The following CNTN1 variants were observed in gnomAD, a reference collection of about 807,000 sequenced individuals.
CNTN1 encodes the protein contactin-1.
In CNTN1, 38 loss-of-function variants were observed where a neutral mutation model predicts 126.4. The observed-to-expected ratio is 0.30, with a 90% CI of 0.23 to 0.39. The LOEUF (loss-of-function observed/expected upper bound fraction) is 0.39, where lower values mean the gene tolerates loss of function less well. Among genes scored for constraint, CNTN1 ranks in the 10% least tolerant of loss-of-function variants. The probability of loss-of-function intolerance (pLI) is 1.00; values close to 1 mark genes in which losing one functional copy is unlikely to be tolerated. For synonymous variants in CNTN1, 413 were observed against 422.6 expected (o/e 0.98, Z 0.28); for missense variants, 1,009 against 1,248.4 (o/e 0.81, Z 2.89).
intron 15 of CNTN1, chr12:40,971,549 T>C: frequency 6.3e-7 from 1 of 1,582,974 alleles, no homozygotes; most frequent in Non-Finnish European, 8.5e-7. Flanking sequence ...AAGACTTTTT[T>C]TTTTTTAACA....
At chr12:40,845,744 G>A (rs1942476560) in intron 1 of CNTN1, among the ~76,000 whole-genome samples, 1 of 152,136 alleles carries the variant, frequency 6.6e-6, no homozygotes, top group Non-Finnish European at 1.5e-5. Flanking sequence ...GAGCACACTG[G>A]GGTATGGGGA....
At chr12:40,897,781 G>A (rs1005085565) in intron 1 of CNTN1, among the ~76,000 whole-genome samples, 1 of 152,038 alleles carries the variant, frequency 6.6e-6, no homozygotes, top group African/African-American at 2.4e-5. Flanking sequence ...TATCTGTTCT[G>A]GTAATGAAAC....
chr12:40,913,007 T>A (rs1036986491), intron 3 of CNTN1, among the ~76,000 whole-genome samples: 7 of 152,160 alleles, frequency 4.6e-5, no homozygotes, highest in Non-Finnish European at 8.8e-5. Flanking sequence ...AGAATCTAGA[T>A]GCTTCAGAGG....
chr12:40,721,912 T>A (rs893376007), intron 1 of CNTN1, among the ~76,000 whole-genome samples: 1 of 150,810 alleles, frequency 6.6e-6, no homozygotes, highest in Non-Finnish European at 1.5e-5. Context: ...TAGTATTCCA[T>A]GGTGTATATG....
intron 1 of CNTN1, among the ~76,000 whole-genome samples, chr12:40,703,384 T>C (rs1941649958): frequency 6.6e-6 from 1 of 152,214 alleles, no homozygotes; most frequent in Non-Finnish European, 1.5e-5. Flanking sequence ...CCTGCTTTCA[T>C]CGTTATTTTT....
chr12:41,019,517 T>A (rs1948858248), intron 19 of CNTN1, among the ~76,000 whole-genome samples: 1 of 152,216 alleles, frequency 6.6e-6, no homozygotes, highest in African/African-American at 2.4e-5. Context: ...TGTAGAACAT[T>A]TTTAAACATT....
In CNTN1 at chr12:40,854,089, C is replaced by G. The variant is rs562440227; in HGVS notation, c.-76-54268C>G. Among the ~76,000 whole-genome samples, 19 of 150,202 alleles carry G rather than the reference C, an allele frequency of 1.3e-4. No individual in the cohort carries two copies. The East Asian group carries it at 3.7e-3, about 29-fold the overall frequency. On this transcript the variant is annotated intron_variant, in intron 1 of 23. Coordinates refer to ENST00000551295, the MANE Select transcript of CNTN1 (RefSeq NM_001843.4). ...TTCTTTAACTCATTCCTACTGTATG[C>G]TAGGTACTATGCTATCTCTCAAGGA...
intron 1 of CNTN1, among the ~76,000 whole-genome samples, chr12:40,708,180 A>T (rs1941818173): frequency 6.6e-6 from 1 of 152,302 alleles, no homozygotes; most frequent in African/African-American, 2.4e-5. Flanking sequence ...CTCTATTAAC[A>T]TTTCTTAATT....
intron 1 of CNTN1, among the ~76,000 whole-genome samples, chr12:40,886,759 G>A (rs1944048289): frequency 6.6e-6 from 1 of 152,106 alleles, no homozygotes; most frequent in Non-Finnish European, 1.5e-5. Context: ...GTGTAAGGAA[G>A]GGATCCAGTT....
intron 1 of CNTN1, among the ~76,000 whole-genome samples, chr12:40,843,340 A>C (rs1942364872): frequency 6.6e-6 from 1 of 152,222 alleles, no homozygotes; most frequent in Non-Finnish European, 1.5e-5. Flanking sequence ...TATTCTGTTC[A>C]ATAAAAGTTC....
At chr12:40,993,769 AG>A (rs1027668513) in intron 17 of CNTN1, among the ~76,000 whole-genome samples, 13 of 152,294 alleles carry the variant, frequency 8.5e-5, no homozygotes, top group Admixed American at 2.6e-4. Context: ...CCAAAATTTT[AG>A]GTTTGATATT....
intron 1 of CNTN1, chr12:40,763,156 A>G (rs530858945): frequency 1.3e-5 from 2 of 152,382 alleles, no homozygotes; most frequent in Admixed American, 1.3e-4. Context: ...CCCTGACCAG[A>G]AGCAAACGCT....
At chr12:40,922,669 G>C (rs1945488654) in intron 5 of CNTN1, among the ~76,000 whole-genome samples, 1 of 152,044 alleles carries the variant, frequency 6.6e-6, no homozygotes, top group South Asian at 2.1e-4. Flanking sequence ...GATCTTGAAT[G>C]ACTCTTTAAA....
intron 1 of CNTN1, among the ~76,000 whole-genome samples, chr12:40,746,118 C>G (rs1938170043): frequency 1.3e-5 from 2 of 152,132 alleles, no homozygotes; most frequent in Admixed American, 1.3e-4. Context: ...TGGTGGCATT[C>G]TCACTTGCAT....
At chr12:40,802,054 G>C (rs1940678593) in intron 1 of CNTN1, among the ~76,000 whole-genome samples, 1 of 151,864 alleles carries the variant, frequency 6.6e-6, no homozygotes, top group South Asian at 2.1e-4. Context: ...AGATGGTGTA[G>C]GATGATGCCA....
chr12:40,754,701 T>C (rs1472783007), intron 1 of CNTN1, among the ~76,000 whole-genome samples: 1 of 152,072 alleles, frequency 6.6e-6, no homozygotes, highest in African/African-American at 2.4e-5. Context: ...TGTTGCAAGT[T>C]TTTTCTCCAG....
rs375395772 is a variant in CNTN1 at position 40,930,034 on chromosome 12, G to T, written c.703+32G>T. ...ATTTTATTTGTTACACTCTGTTTTC[G>T]CAAGGTTATCTACATATGGTATACT... On this transcript the variant is annotated intron_variant, in intron 7 of 23. Coordinates refer to ENST00000551295, the MANE Select transcript of CNTN1 (RefSeq NM_001843.4). 6.7e-6 allele frequency: 10 copies of T among 1,494,260 alleles called. No homozygotes were observed. In the African/African-American group the frequency reaches 1.2e-4, roughly 19 times the overall value. The allele number at this position is 1,494,260 out of a possible 1,614,324, so 92.6% of individuals were successfully genotyped here.
intron 1 of CNTN1, among the ~76,000 whole-genome samples, chr12:40,773,648 TATATATACAC>T (rs1223620204): frequency 0.03 from 115 of 3,878 alleles, 4 homozygotes; most frequent in African/African-American, 0.04. Flanking sequence ...TATATATATA[TATATATACAC>T]ATATATATAT....
chr12:41,046,748 A>T (rs1949547767), intron 23 of CNTN1, among the ~76,000 whole-genome samples: 1 of 149,708 alleles, frequency 6.7e-6, no homozygotes, highest in African/African-American at 2.4e-5. Flanking sequence ...CTGACCACTG[A>T]TTCTTCTTTT....
Sources: gnomAD v4.1 joint callset for allele counts (sites outside exome capture counted in the v4.1 genomes callset) on GRCh38, gnomAD v4.1.1 for gene constraint, MANE v1.5 for transcripts, NCBI Gene and HGNC (gene_info 2026-07-23, HGNC 2026-07-21) for gene names.